The following ANK2 variants were observed in gnomAD, a reference collection of about 807,000 sequenced individuals.
ANK2 encodes the protein ankyrin-2.
Under a neutral mutation model 360.5 loss-of-function variants are expected in ANK2, and 83 were observed. The observed-to-expected ratio is 0.23, with a 90% CI of 0.19 to 0.28. ANK2 has a LOEUF of 0.28. Ranked by LOEUF, ANK2 falls within the 10% of genes least tolerant of loss-of-function variation. The pLI, the probability that ANK2 is intolerant of heterozygous loss-of-function variation, is 1.00. For missense variants in ANK2, 4,201 were observed against 4,795.7 expected (o/e 0.88, Z 3.66); for synonymous variants, 1,740 against 1,759.5 (o/e 0.99, Z 0.28).
intron 1 of ANK2, among the ~76,000 whole-genome samples, chr4:113,118,382 T>C (rs1335889398): frequency 6.6e-6 from 1 of 152,248 alleles, no homozygotes; most frequent in African/African-American, 2.4e-5. Context: ...ATATACTTAA[T>C]AATCCATATG....
At chr4:112,889,881 G>A (rs777664068) in intron 1 of ANK2, among the ~76,000 whole-genome samples, 1 of 152,178 alleles carries the variant, frequency 6.6e-6, no homozygotes, top group Non-Finnish European at 1.5e-5. Flanking sequence ...CTAAATTCAA[G>A]GACTCAGGGT....
At chr4:112,832,761 T>G (rs888285729) in intron 1 of ANK2, among the ~76,000 whole-genome samples, 3 of 152,236 alleles carry the variant, frequency 2.0e-5, no homozygotes, top group Non-Finnish European at 4.4e-5. Flanking sequence ...CATTTTTCCA[T>G]TTGGGATTGA....
intron 1 of ANK2, among the ~76,000 whole-genome samples, chr4:113,103,914 T>C (rs1018695364): frequency 6.6e-6 from 1 of 152,154 alleles, no homozygotes; most frequent in Non-Finnish European, 1.5e-5. Flanking sequence ...TTAAAAAATA[T>C]TAGTTGTGAT....
chr4:113,328,914 C>T (rs913471478), intron 26 of ANK2, among the ~76,000 whole-genome samples: 2 of 152,152 alleles, frequency 1.3e-5, no homozygotes, highest in Non-Finnish European at 2.9e-5. Flanking sequence ...TATCCCATAA[C>T]TTACTTTGAT....
intron 1 of ANK2, among the ~76,000 whole-genome samples, chr4:113,089,401 T>C (rs1318572834): frequency 6.6e-6 from 1 of 152,254 alleles, no homozygotes; most frequent in Admixed American, 6.5e-5. Context: ...GTGAAGAAGA[T>C]ATTTGAAAGG....
intron 1 of ANK2, among the ~76,000 whole-genome samples, chr4:112,874,407 A>G (rs143766516): frequency 0.011 from 1,688 of 150,966 alleles, 20 homozygotes; most frequent in African/African-American, 0.03. Context: ...TTATTAAGCC[A>G]AGGCGGGCAG....
At chr4:112,773,160 T>C in the ANK2 span, among the ~76,000 whole-genome samples, 1 of 151,966 alleles carries the variant, frequency 6.6e-6, no homozygotes, top group Non-Finnish European at 1.5e-5. Context: ...TCTAAAAAAA[T>C]GCAAAAATTA....
chr4:112,889,634 G>A (rs1351695638), intron 1 of ANK2, among the ~76,000 whole-genome samples: 1 of 149,994 alleles, frequency 6.7e-6, no homozygotes, highest in African/African-American at 2.5e-5. Context: ...ACAAATTAAT[G>A]TGAGAAATGA....
chr4:112,719,406 G>A, the ANK2 span, among the ~76,000 whole-genome samples: 1 of 152,114 alleles, frequency 6.6e-6, no homozygotes, highest in African/African-American at 2.4e-5. Flanking sequence ...AACCAACTAA[G>A]CAGATAGAAT....
At chr4:113,094,955 C>T (rs1299999102) in intron 1 of ANK2, among the ~76,000 whole-genome samples, 2 of 152,182 alleles carry the variant, frequency 1.3e-5, no homozygotes, top group Non-Finnish European at 2.9e-5. Flanking sequence ...GACTGGCCTC[C>T]AGTGGTGTCT....
chr4:113,054,369 T>C (rs2068559707), intron 1 of ANK2, among the ~76,000 whole-genome samples: 1 of 152,018 alleles, frequency 6.6e-6, no homozygotes, highest in Admixed American at 6.6e-5. Context: ...GGCCACTGCC[T>C]AAATAGAGAG....
chr4:113,050,000 A>C (rs1396610488), intron 1 of ANK2, among the ~76,000 whole-genome samples, 188 bp downstream of exon 1: 1 of 152,226 alleles, frequency 6.6e-6, no homozygotes, highest in South Asian at 2.1e-4. Context: ...TAAAGGAGCC[A>C]TGGCTCATAA....
At chr4:112,944,286 C>A (rs1198877259) in intron 2 of ANK2, among the ~76,000 whole-genome samples, 1 of 152,174 alleles carries the variant, frequency 6.6e-6, no homozygotes, top group African/African-American at 2.4e-5. Context: ...TATCCACAGA[C>A]TATGGTACAT....
In ANK2 at chr4:113,353,719, A is replaced by C. The variant is rs1428974211; in HGVS notation, c.5101A>C (p.Lys1701Gln). ...QKQHKPSLGI[K>Q]KPVRRKLKEK... ...ACAGCACAAACCAAGCTTGGGAATA[A>C]AGAAGCCAGTAAGAAGGAAATTAAA... The change falls in exon 38 of 46, where the codon AAG becomes CAG. Residue 1701 changes from lysine (K) to glutamine (Q), a missense_variant. Physicochemically the swap from Lys to Gln is moderately conservative, Grantham distance 53. This residue lies in a region of ANK2 where 2,642 missense variants were observed against 2,714.5 expected (regional missense o/e 0.97). Transcript: ENST00000357077. 6.2e-7 allele frequency: 1 copy of C among 1,613,892 alleles called. No homozygotes were observed. Among genetic ancestry groups the C allele is most frequent in the East Asian group, 2.2e-5 (1 of 44,870 alleles).
intron 4 of ANK2, among the ~76,000 whole-genome samples, chr4:113,210,940 T>A (rs997549857): frequency 6.6e-6 from 1 of 152,182 alleles, no homozygotes; most frequent in Admixed American, 6.6e-5. Flanking sequence ...TCTAAATTCA[T>A]TCAAATAATT....
chr4:112,911,170 A>C (rs1219646157), intron 2 of ANK2, among the ~76,000 whole-genome samples: 2 of 127,108 alleles, frequency 1.6e-5, no homozygotes, highest in African/African-American at 3.1e-5. Context: ...GGGTTTCACC[A>C]TGTTGGCCAA....
At chr4:113,224,886 T>G (rs2099197039) in intron 4 of ANK2, among the ~76,000 whole-genome samples, 1 of 151,732 alleles carries the variant, frequency 6.6e-6, no homozygotes, top group African/African-American at 2.4e-5. Flanking sequence ...GTTTTTTTTT[T>G]TTTTTTTTTT....
rs183491249 is a variant in ANK2, at chr4:113,134,018, G to A, written c.85-40398G>A. Among the ~76,000 whole-genome samples, 654 of 152,208 alleles carry A rather than the reference G, an allele frequency of 4.3e-3. 3 individuals are homozygous for A. Among genetic ancestry groups the A allele is most frequent in the Admixed American group, 8.6e-3 (131 of 15,278 alleles). On this transcript the variant is annotated intron_variant, in intron 1 of 45. Coordinates refer to ENST00000357077, the MANE Select transcript of ANK2 (RefSeq NM_001148.6). Reference sequence around the variant, plus strand: ...TATGATGTGATTTACACTACAGCAAGGTCCCTAATAATAAGATTACAGGAA... The same window carrying A: ...TATGATGTGATTTACACTACAGCAAAGTCCCTAATAATAAGATTACAGGAA...
rs557059754 is a variant in ANK2 at position 113,153,099 on chromosome 4, T to TC, written c.85-21316dup. The stretch of plus-strand genomic sequence containing the variant: ...ATTTAAATTTCAGTCTTTTTTTTTT[T>TC]CTGTACTCTTTACCTTCCTCAGTCA... On this transcript the variant is annotated intron_variant, in intron 1 of 45. Coordinates refer to ENST00000357077, the MANE Select transcript of ANK2 (RefSeq NM_001148.6). 2.0e-3 allele frequency among the ~76,000 whole-genome samples: 303 copies of TC among 152,254 alleles called. 2 individuals carry two copies. Among genetic ancestry groups the TC allele is most frequent in the African/African-American group, 6.0e-3 (249 of 41,542 alleles).
Sources: allele counts gnomAD v4.1 joint callset (sites outside exome capture counted in the v4.1 genomes callset), GRCh38; gene constraint gnomAD v4.1.1; regional missense constraint gnomAD v4.1.1; transcripts MANE v1.5; gene names NCBI Gene and HGNC (gene_info 2026-07-23, HGNC 2026-07-21).